The following IL1RAPL2 variants were observed in gnomAD, a reference collection of about 807,000 sequenced individuals.
IL1RAPL2 encodes the protein interleukin 1 receptor accessory protein like 2.
A neutral mutation model predicts 44.1 loss-of-function variants in IL1RAPL2; 3 were observed. That is an observed-to-expected ratio of 0.07 (90% confidence interval 0.03 to 0.18). IL1RAPL2 has a LOEUF of 0.18. Ranked by LOEUF, IL1RAPL2 falls within the 10% of genes least tolerant of loss-of-function variation. The pLI is 1.00. For synonymous variants in IL1RAPL2, 181 were observed against 178.8 expected (o/e 1.01, Z -0.10); for missense variants, 391 against 496.4 (o/e 0.79, Z 2.02).
At chrX:105,121,477 A>G (rs137963104) in intron 2 of IL1RAPL2, among the ~76,000 whole-genome samples, 1,241 of 111,878 alleles carry the variant, frequency 0.011, 21 homozygotes, top group African/African-American at 0.038. Flanking sequence ...TGCCATTTTA[A>G]CAGGGCTGTT....
intron 2 of IL1RAPL2, among the ~76,000 whole-genome samples, chrX:104,993,774 A>T (rs748052946): frequency 1.9e-4 from 21 of 111,850 alleles, no homozygotes; most frequent in African/African-American, 6.8e-4. Flanking sequence ...TCTAAACTCT[A>T]GGATCATGAA....
At position 104,616,863 on chromosome X, in the gene IL1RAPL2, C is replaced by T. The variant is rs75904372; in HGVS notation, c.-19-42032C>T. 7.2e-3 allele frequency among the ~76,000 whole-genome samples: 812 copies of T among 112,036 alleles called. 4 individuals carry two copies. Among genetic ancestry groups the T allele is most frequent in the African/African-American group, 0.025 (763 of 30,866 alleles). ...CTGGTGTCCCGCACAGCCGGCTCTG[C>T]GTGAATTACCCTTTCCCTATTGCAG... On this transcript the variant is annotated intron_variant, in intron 1 of 10. Transcript: ENST00000372582.
Position 105,346,976 on chromosome X carries a change from G to A in IL1RAPL2, c.697+79435G>A, listed in dbSNP as rs944276345. ...GGTGAGAAAAAAGGCTTGATGTCAA[G>A]TCCAGAAGAAATGTGAATGTGGAAT... On this transcript the variant is annotated intron_variant, in intron 5 of 10. Coordinates refer to ENST00000372582, the MANE Select transcript of IL1RAPL2 (RefSeq NM_017416.2). Among the ~76,000 whole-genome samples the A allele has an allele frequency of 3.6e-5, 4 of 111,800 alleles. No individual in the cohort carries two copies. In the Admixed American group the frequency reaches 3.8e-4, roughly 11 times the overall value.
intron 2 of IL1RAPL2, among the ~76,000 whole-genome samples, chrX:105,032,646 C>G (rs374651620): frequency 1.8e-5 from 2 of 111,282 alleles, no homozygotes; most frequent in African/African-American, 6.5e-5. Flanking sequence ...TTACTTCCAA[C>G]TATGTGTTCA....
At chrX:105,209,746 A>G (rs2033793092) in intron 3 of IL1RAPL2, among the ~76,000 whole-genome samples, 1 of 112,240 alleles carries the variant, frequency 8.9e-6, no homozygotes, top group African/African-American at 3.2e-5. Context: ...TAGGCATAAC[A>G]CAGGAAATCA....
chrX:105,390,043 AT>A (rs1333814637), intron 5 of IL1RAPL2, among the ~76,000 whole-genome samples: 2 of 111,088 alleles, frequency 1.8e-5, no homozygotes, highest in Non-Finnish European at 3.8e-5. Context: ...AAAAATAAAA[AT>A]CCCCCTACTC....
intron 2 of IL1RAPL2, among the ~76,000 whole-genome samples, chrX:104,661,238 C>G (rs1345773396): frequency 4.5e-5 from 5 of 111,390 alleles, no homozygotes; most frequent in Admixed American, 9.6e-5. Context: ...ATGCTGCACT[C>G]CCCCTCCATC....
intron 2 of IL1RAPL2, among the ~76,000 whole-genome samples, chrX:104,938,126 A>G (rs775491912): frequency 1.8e-5 from 2 of 112,479 alleles, no homozygotes; most frequent in Non-Finnish European, 3.7e-5. Flanking sequence ...TGAAAACATT[A>G]CAATCTGGTT....
At chrX:104,915,715 G>C (rs1269104922) in intron 2 of IL1RAPL2, among the ~76,000 whole-genome samples, 42 of 111,790 alleles carry the variant, frequency 3.8e-4, no homozygotes, top group Non-Finnish European at 7.3e-4. Context: ...TCACGTTTAA[G>C]TGTTTAATCC....
intron 2 of IL1RAPL2, among the ~76,000 whole-genome samples, chrX:104,766,388 TGCC>T (rs1932554078): frequency 9.0e-6 from 1 of 110,795 alleles, no homozygotes; most frequent in African/African-American, 3.3e-5. Context: ...CCTGCCTGCC[TGCC>T]TGCCTGCCTG....
At chrX:105,763,127 C>A (rs1403333819) in intron 10 of IL1RAPL2, among the ~76,000 whole-genome samples, 1 of 111,731 alleles carries the variant, frequency 9.0e-6, no homozygotes, top group Non-Finnish European at 1.9e-5. Context: ...GGCAAAACTT[C>A]TTTGTAAAGG....
At chrX:105,465,063 AAAC>A (rs1283017445) in intron 5 of IL1RAPL2, among the ~76,000 whole-genome samples, 2 of 112,008 alleles carry the variant, frequency 1.8e-5, no homozygotes, top group Non-Finnish European at 3.8e-5. Flanking sequence ...ATTTTGAACA[AAAC>A]AACATTATTT....
chrX:104,670,977 T>C (rs1930587886), intron 2 of IL1RAPL2, among the ~76,000 whole-genome samples: 1 of 111,357 alleles, frequency 9.0e-6, no homozygotes, highest in South Asian at 3.8e-4. Flanking sequence ...TGACTCCCTA[T>C]TGCATACAGG....
intron 2 of IL1RAPL2, among the ~76,000 whole-genome samples, chrX:105,124,388 T>A (rs2032954891): frequency 9.0e-6 from 1 of 110,996 alleles, no homozygotes; most frequent in Non-Finnish European, 1.9e-5. Flanking sequence ...GTGAAGCCCA[T>A]CCATATACCT....
intron 6 of IL1RAPL2, among the ~76,000 whole-genome samples, chrX:105,525,698 C>T (rs1469409675): frequency 9.0e-6 from 1 of 111,425 alleles, no homozygotes; most frequent in East Asian, 2.8e-4. Flanking sequence ...GTTGACTAGT[C>T]AGTTAATTAC....
chrX:104,989,611 G>A (rs182378771), intron 2 of IL1RAPL2, among the ~76,000 whole-genome samples: 1 of 110,988 alleles, frequency 9.0e-6, no homozygotes, highest in Admixed American at 9.6e-5. Flanking sequence ...TTAAGTTTAC[G>A]AGGGAAAAAA....
intron 3 of IL1RAPL2, among the ~76,000 whole-genome samples, chrX:105,226,103 T>C (rs1415786884): frequency 1.8e-5 from 2 of 111,786 alleles, no homozygotes; most frequent in African/African-American, 3.3e-5. Context: ...TTATGGCCCA[T>C]TGTAAGAAAT....
At chrX:104,926,280 A>T (rs1924769551) in intron 2 of IL1RAPL2, among the ~76,000 whole-genome samples, 1 of 112,344 alleles carries the variant, frequency 8.9e-6, no homozygotes, top group African/African-American at 3.2e-5. Context: ...GAGATGTACT[A>T]GATATGTTAT....
chrX:105,216,995 A>G (rs1371580720), intron 3 of IL1RAPL2, among the ~76,000 whole-genome samples: 1 of 109,932 alleles, frequency 9.1e-6, no homozygotes, highest in Non-Finnish European at 1.9e-5. Context: ...AAAACCATAA[A>G]AACCCTAGAA....
Sources: gnomAD v4.1 joint callset for allele counts (sites outside exome capture counted in the v4.1 genomes callset) on GRCh38, gnomAD v4.1.1 for gene constraint, MANE v1.5 for transcripts, NCBI Gene and HGNC (gene_info 2026-07-23, HGNC 2026-07-21) for gene names.